Variants in SLC44A5 observed in about 807,000 individuals in gnomAD.
SLC44A5 encodes solute carrier family 44 member 5, also known as choline transporter-like protein 5.
A neutral mutation model predicts 101.8 loss-of-function variants in SLC44A5; 57 were observed. The observed-to-expected ratio is 0.56, with a 90% CI of 0.45 to 0.70. The LOEUF (loss-of-function observed/expected upper bound fraction) is 0.70, where lower values mean the gene tolerates loss of function less well. Among genes scored for constraint, SLC44A5 ranks in the 30% least tolerant of loss-of-function variants. SLC44A5 has a pLI of 0.00. For synonymous variants in SLC44A5, 281 were observed against 290.9 expected, an observed-to-expected ratio of 0.97 and a Z score of 0.35; for missense variants, 737 against 853.1, an observed-to-expected ratio of 0.86 and a Z score of 1.70.
chr1:75,631,737 A>G, the SLC44A5 span, among the ~76,000 whole-genome samples: 1 of 151,528 alleles, frequency 6.6e-6, no homozygotes, highest in Admixed American at 6.6e-5. Context: ...GCGTTTCACC[A>G]TGTTGGCCAG....
At chr1:75,545,711 C>T (rs1671608687) in intron 1 of SLC44A5, among the ~76,000 whole-genome samples, 1 of 152,132 alleles carries the variant, frequency 6.6e-6, no homozygotes, top group South Asian at 2.1e-4. Flanking sequence ...AAACCTTTAG[C>T]TTATTGATTA....
At chr1:75,333,202 C>T (rs1349147432) in intron 4 of SLC44A5, among the ~76,000 whole-genome samples, 1 of 152,080 alleles carries the variant, frequency 6.6e-6, no homozygotes, top group Non-Finnish European at 1.5e-5. Flanking sequence ...TATAAAGTCT[C>T]AAATGTAGAA....
chr1:75,362,305 T>G (rs942441825), intron 3 of SLC44A5, among the ~76,000 whole-genome samples: 1 of 151,972 alleles, frequency 6.6e-6, no homozygotes, highest in Non-Finnish European at 1.5e-5. Context: ...GCTGTGATCT[T>G]CATTATTTTC....
intron 3 of SLC44A5, among the ~76,000 whole-genome samples, chr1:75,349,232 G>A (rs1658464148): frequency 6.6e-6 from 1 of 152,106 alleles, no homozygotes; most frequent in Non-Finnish European, 1.5e-5. Flanking sequence ...CCAGCGGCTT[G>A]GGAGGCCGAG....
chr1:75,392,907 A>T (rs1661887472), intron 3 of SLC44A5, among the ~76,000 whole-genome samples: 2 of 152,186 alleles, frequency 1.3e-5, no homozygotes, highest in Non-Finnish European at 2.9e-5. Context: ...AGAAATAGAA[A>T]GCCAAACACT....
chr1:75,308,900 A>G (rs1570636692), intron 4 of SLC44A5, among the ~76,000 whole-genome samples: 1 of 152,208 alleles, frequency 6.6e-6, no homozygotes, highest in Non-Finnish European at 1.5e-5. Flanking sequence ...TTAAAAGCAT[A>G]CACATTAAAG....
At chr1:75,449,667 T>G (rs1374497370) in intron 2 of SLC44A5, among the ~76,000 whole-genome samples, 3 of 151,838 alleles carry the variant, frequency 2.0e-5, no homozygotes, top group Admixed American at 2.0e-4. Flanking sequence ...AGACGAGTGG[T>G]TTTTTTTCCC....
At chr1:75,653,572 T>C in the SLC44A5 span, among the ~76,000 whole-genome samples, 1 of 152,180 alleles carries the variant, frequency 6.6e-6, no homozygotes, top group Non-Finnish European at 1.5e-5. Context: ...ATAATTTTTT[T>C]AAGCTAAAGG....
At chr1:75,555,255 G>T (rs960570708) in intron 1 of SLC44A5, among the ~76,000 whole-genome samples, 1 of 152,080 alleles carries the variant, frequency 6.6e-6, no homozygotes, top group Admixed American at 6.6e-5. Flanking sequence ...CAGATCAGTG[G>T]TTGCCTGAAA....
chr1:75,414,593 A>G lies in SLC44A5; in HGVS notation c.14-17972T>C, dbSNP rs533631060. Among the ~76,000 whole-genome samples, 9 of 152,316 alleles carry G rather than the reference A, an allele frequency of 5.9e-5. No individual in the cohort carries two copies. The South Asian group carries it at 1.4e-3, about 25-fold the overall frequency. On this transcript the variant is annotated intron_variant, in intron 2 of 23. Transcript: ENST00000370859. Reference sequence around the variant, plus strand: ...AGTTGTGTTTAGGTGTCATTAAAAAAGAGGCTTTAAGTGCTATAAATGTGT... The same window carrying G: ...AGTTGTGTTTAGGTGTCATTAAAAAGGAGGCTTTAAGTGCTATAAATGTGT...
the SLC44A5 span, among the ~76,000 whole-genome samples, chr1:75,702,571 G>C: frequency 6.6e-6 from 1 of 152,102 alleles, no homozygotes; most frequent in Non-Finnish European, 1.5e-5. Flanking sequence ...AGAAAACCCA[G>C]GCAATACCAT....
intron 9 of SLC44A5, among the ~76,000 whole-genome samples, chr1:75,240,217 A>G (rs1299940232): frequency 6.6e-6 from 1 of 152,056 alleles, no homozygotes; most frequent in Non-Finnish European, 1.5e-5. Context: ...ATTTTTTGAG[A>G]GTCAAAATCA....
chr1:75,257,550 G>A (rs1238904763), intron 6 of SLC44A5, among the ~76,000 whole-genome samples: 1 of 152,102 alleles, frequency 6.6e-6, no homozygotes, highest in Non-Finnish European at 1.5e-5. Flanking sequence ...TCCGATGCAG[G>A]AAAAGGGTGA....
At chr1:75,410,624 A>T (rs992965298) in intron 2 of SLC44A5, among the ~76,000 whole-genome samples, 3 of 151,964 alleles carry the variant, frequency 2.0e-5, no homozygotes, top group African/African-American at 7.2e-5. Flanking sequence ...GTGGCAGGGG[A>T]GCTGAGAAAA....
At chr1:75,243,090 T>C (rs1648785368) in intron 7 of SLC44A5, 79 bp from the exon 8 acceptor site, 2 of 1,448,992 alleles carry the variant, frequency 1.4e-6, no homozygotes, top group Non-Finnish European at 1.8e-6. Flanking sequence ...ACTTCTAAAT[T>C]ATCCACCATA....
At chr1:75,446,649 TACACACAC>T (rs10547175) in intron 2 of SLC44A5, among the ~76,000 whole-genome samples, 2 of 149,826 alleles carry the variant, frequency 1.3e-5, no homozygotes, top group Non-Finnish European at 1.5e-5. Flanking sequence ...TGCCTGGCTA[TACACACAC>T]ACACACACAC....
the SLC44A5 span, among the ~76,000 whole-genome samples, chr1:75,672,819 G>A: frequency 2.0e-5 from 3 of 152,134 alleles, no homozygotes; most frequent in African/African-American, 7.2e-5. Flanking sequence ...CTAGGCCCTA[G>A]CTCCAGGATG....
intron 2 of SLC44A5, among the ~76,000 whole-genome samples, chr1:75,434,858 C>A (rs1481193841): frequency 1.3e-5 from 2 of 152,144 alleles, no homozygotes; most frequent in Non-Finnish European, 2.9e-5. Context: ...ATAAATTTTT[C>A]TCCAAGTCTT....
At chr1:75,293,285 G>A (rs1017210282) in intron 5 of SLC44A5, among the ~76,000 whole-genome samples, 2 of 152,184 alleles carry the variant, frequency 1.3e-5, no homozygotes, top group Non-Finnish European at 2.9e-5. Flanking sequence ...CATTTGCAAA[G>A]CATGTTCTTG....
Sources: allele counts gnomAD v4.1 joint callset (sites outside exome capture counted in the v4.1 genomes callset), GRCh38; gene constraint gnomAD v4.1.1; transcripts MANE v1.5; gene names NCBI Gene and HGNC (gene_info 2026-07-23, HGNC 2026-07-21).